The following MAP4 variants were observed in gnomAD, a reference collection of about 807,000 sequenced individuals.
MAP4 encodes microtubule-associated protein 4.
A neutral mutation model predicts 170.2 loss-of-function variants in MAP4; 76 were observed. The observed-to-expected ratio is 0.45, with a 90% confidence interval of 0.37 to 0.54. MAP4 has a LOEUF of 0.54. Among genes scored for constraint, MAP4 ranks in the 20% least tolerant of loss-of-function variants. MAP4 has a pLI of 0.00. For synonymous variants in MAP4, 909 were observed against 994.5 expected, an observed-to-expected ratio of 0.91 and a Z score of 1.62; for missense variants, 2,506 against 2,748.0, an observed-to-expected ratio of 0.91 and a Z score of 1.97.
At chr3:48,055,195 T>A (rs1235940691) in intron 1 of MAP4, among the ~76,000 whole-genome samples, 1 of 70,754 alleles carries the variant, frequency 1.4e-5, no homozygotes, top group South Asian at 3.6e-4. Context: ...TCCCTCTCCC[T>A]CTCCGTCTCC....
intron 3 of MAP4, chr3:47,975,516 G>T: frequency 8.0e-7 from 1 of 1,254,896 alleles, no homozygotes; most frequent in Non-Finnish European, 1.1e-6. Context: ...GGGAAGAAAA[G>T]GGTGGAAAAG....
intron 17 of MAP4, among the ~76,000 whole-genome samples, chr3:47,863,138 G>A (rs1363553818): frequency 2.6e-5 from 4 of 152,050 alleles, no homozygotes; most frequent in Non-Finnish European, 4.4e-5. Flanking sequence ...CACTAGGCCT[G>A]GCTAATTTTG....
At chr3:48,004,828 C>T (rs1264890193) in intron 1 of MAP4, among the ~76,000 whole-genome samples, 1 of 152,010 alleles carries the variant, frequency 6.6e-6, no homozygotes. Flanking sequence ...CCCATAGTGG[C>T]AGCATAACCC....
At position 47,911,048 on chromosome 3, in the gene MAP4, T is replaced by C. The variant is rs897223081; in HGVS notation, c.3373A>G (p.Lys1125Glu). Residue 1125 changes from lysine to glutamate, a missense_variant, in exon 9 of 21, where the codon AAG becomes GAG. Physicochemically the swap from Lys to Glu is moderately conservative, Grantham distance 56. Coordinates refer to ENST00000683076, the MANE Select transcript of MAP4 (RefSeq NM_001385682.1). This position sits in a 1 kb window ranked among gnomAD's most constrained non-coding sequence, Gnocchi z 4.0. ...AGATCAGCCTTAGTGCCTGGTTGCT[T>C]TGAAGAATTCAGCCCCAGCTCCTCA... ...KSEELGLNSS[K>E]QPGTKADLTE... is the part of the protein sequence containing the mutation. The C allele has an allele frequency of 2.6e-5, 40 of 1,536,056 alleles. No individual in the cohort carries two copies. Among genetic ancestry groups the C allele is most frequent in the Non-Finnish European group, 3.4e-5 (39 of 1,146,912 alleles).
chr3:47,867,429 A>T (rs1394343787), intron 16 of MAP4, 91 bp from the exon 17 acceptor site: 1 of 803,652 alleles, frequency 1.2e-6, no homozygotes. Flanking sequence ...ACGTGATCAC[A>T]ATGACCAACA....
Position 47,858,021 on chromosome 3 carries a change from CT to C in MAP4, c.6502-510del, listed in dbSNP as rs397817713. 2.9e-3 allele frequency among the ~76,000 whole-genome samples: 347 copies of C among 118,362 alleles called. 1 individual carries two copies. Among genetic ancestry groups the C allele is most frequent in the African/African-American group, 4.9e-3 (151 of 30,726 alleles). 77.7% of individuals were successfully genotyped at this position (118,362 alleles called of 152,430 possible). ...CGTGAGCCACCACGCCTGGCCTTCA[CT>C]TTTTTTTTTTTTTTTTTTAAGACAG... On this transcript the variant is annotated intron_variant, in intron 17 of 20. Coordinates refer to ENST00000683076, the MANE Select transcript of MAP4 (RefSeq NM_001385682.1).
chr3:48,070,802 G>A (rs540850324), intron 1 of MAP4, among the ~76,000 whole-genome samples: 28 of 149,214 alleles, frequency 1.9e-4, no homozygotes, highest in African/African-American at 5.9e-4. Context: ...GGAGTTAAGA[G>A]ACCAGCCTGG....
intron 1 of MAP4, among the ~76,000 whole-genome samples, chr3:48,056,779 C>G (rs1409971551): frequency 1.4e-5 from 1 of 72,798 alleles, no homozygotes; most frequent in Non-Finnish European, 2.7e-5. Context: ...GCCGCCCCGT[C>G]CGGGAGGGAG....
At chr3:47,960,302 T>C (rs2100070822) in intron 3 of MAP4, 1 of 224,602 alleles carries the variant, frequency 4.5e-6, no homozygotes, top group Non-Finnish European at 9.8e-6. Context: ...ATTCTGGAGG[T>C]TCAAATCACT....
intron 5 of MAP4, 95 bp from the exon 6 acceptor site, chr3:47,918,936 G>GTT (rs573432909): frequency 1.0e-4 from 100 of 979,218 alleles, no homozygotes; most frequent in East Asian, 2.6e-4. Context: ...TGTTTTGTTT[G>GTT]TTTTTTTTTT....
In MAP4 at chr3:47,916,171, G is replaced by C. The variant is rs777957419; in HGVS notation, c.1656C>G (p.Leu552=). The part of the protein sequence containing the change: ...VALTEDQVPA[L]KTEAPLAKDG... ...CCTTAGCCAGGGGTGCTTCTGTTTTGAGGGCTGGGACCTGATCCTCAGTCA... is the reference window on the plus strand; with the variant it reads ...CCTTAGCCAGGGGTGCTTCTGTTTTCAGGGCTGGGACCTGATCCTCAGTCA... Residue 552 remains leucine, a synonymous_variant, in exon 7 of 21, where the codon CTC becomes CTG. Coordinates refer to ENST00000683076, the MANE Select transcript of MAP4 (RefSeq NM_001385682.1). 6 of 1,614,204 alleles carry C rather than the reference G, an allele frequency of 3.7e-6. No individual in the cohort carries two copies. Among genetic ancestry groups the C allele is most frequent in the Middle Eastern group, 1.6e-4 (1 of 6,062 alleles).
chr3:48,032,761 C>T (rs1290940721), intron 1 of MAP4, among the ~76,000 whole-genome samples: 1 of 152,140 alleles, frequency 6.6e-6, no homozygotes, highest in African/African-American at 2.4e-5. Context: ...AAATAATCTA[C>T]AATTCCCCTG....
At chr3:48,079,262 T>C (rs1163209828) in intron 1 of MAP4, among the ~76,000 whole-genome samples, 1 of 152,106 alleles carries the variant, frequency 6.6e-6, no homozygotes, top group Admixed American at 6.6e-5. Flanking sequence ...GGAATATCTG[T>C]ATACTACAGA....
intron 3 of MAP4, among the ~76,000 whole-genome samples, chr3:47,949,033 C>T (rs1188107716): frequency 1.3e-5 from 2 of 152,156 alleles, no homozygotes; most frequent in Non-Finnish European, 2.9e-5. Context: ...TTTTCTTTCA[C>T]TAATTTGGAT....
rs980862957 is a variant in MAP4, at chr3:47,983,265, G to C, written c.224-5332C>G. ...GCTCTGTTGCCCAGGCTGGAATGCA[G>C]TGGTATAATCACACCTCACTGTAAC... is the stretch of plus-strand genomic sequence containing the variant. On this transcript the variant is annotated intron_variant, in intron 2 of 20. Coordinates refer to ENST00000683076, the MANE Select transcript of MAP4 (RefSeq NM_001385682.1). Among the ~76,000 whole-genome samples the C allele has an allele frequency of 2.6e-5, 4 of 152,158 alleles. No homozygotes were observed. In the East Asian group the frequency reaches 7.7e-4, roughly 29 times the overall value.
At position 47,911,013 on chromosome 3, in the gene MAP4, T is replaced by A; in HGVS notation, c.3408A>T (p.Ala1136=). The A allele has an allele frequency of 3.3e-6, 5 of 1,536,212 alleles. No individual in the cohort carries two copies. Among genetic ancestry groups the A allele is most frequent in the Non-Finnish European group, 4.4e-6 (5 of 1,146,908 alleles). ...QPGTKADLTE[A]VVMGEPKEMT... is the part of the protein sequence containing the mutation. ...TCTCTTTAGGCTCCCCCATCACCAC[T>A]GCCTCCGTGAGATCAGCCTTAGTGC... The change falls in exon 9 of 21, where the codon GCA becomes GCT. Residue 1136 remains alanine (A), a synonymous_variant. Coordinates refer to ENST00000683076, the MANE Select transcript of MAP4 (RefSeq NM_001385682.1). The surrounding 1 kb of genome is among the most constrained non-coding windows in gnomAD (Gnocchi z 4.0).
chr3:47,966,498 G>A (rs566360128), intron 3 of MAP4, among the ~76,000 whole-genome samples: 1 of 151,826 alleles, frequency 6.6e-6, no homozygotes, highest in South Asian at 2.1e-4. Flanking sequence ...CTGCCCTCCT[G>A]GGACTCCCAA....
intron 3 of MAP4, among the ~76,000 whole-genome samples, chr3:47,966,479 C>A (rs1230189832): frequency 6.6e-6 from 1 of 151,902 alleles, no homozygotes. Flanking sequence ...GATCTCCTGA[C>A]CTCATGATCT....
Position 47,870,943 on chromosome 3 carries a change from G to A in MAP4, c.6164C>T (p.Ser2055Leu), listed in dbSNP as rs148978514. 105 of 1,613,978 alleles carry A rather than the reference G, an allele frequency of 6.5e-5. 1 individual carries two copies. Among genetic ancestry groups the A allele is most frequent in the African/African-American group, 4.5e-4 (34 of 74,938 alleles). The change falls in exon 15 of 21, where the codon TCG (serine) becomes TTG (leucine). Residue 2055 changes from serine (S) to leucine (L), a missense_variant. Transcript: ENST00000683076. ...TTPFIDKKPT[S>L]AKPSSTTPRL... ...GGGGGTGGTGGAGCTGGGTTTGGCCGAGGTGGGCTTCTTGTCTATGAAAGG... is the reference window on the plus strand; with the variant it reads ...GGGGGTGGTGGAGCTGGGTTTGGCCAAGGTGGGCTTCTTGTCTATGAAAGG...
Sources: allele counts gnomAD v4.1 joint callset (sites outside exome capture counted in the v4.1 genomes callset), GRCh38; gene constraint gnomAD v4.1.1; non-coding constraint Gnocchi (gnomAD v3.1); transcripts MANE v1.5; gene names NCBI Gene and HGNC (gene_info 2026-07-23, HGNC 2026-07-21).